Variants in RANBP2 observed in about 807,000 individuals in gnomAD.
RANBP2 encodes RAN binding protein 2.
A neutral mutation model predicts 303.6 loss-of-function variants in RANBP2; 57 were observed. That is an observed-to-expected ratio of 0.19 (90% confidence interval 0.15 to 0.23). The LOEUF (loss-of-function observed/expected upper bound fraction) is 0.23, where lower values mean the gene tolerates loss of function less well. Among genes scored for constraint, RANBP2 ranks in the 10% least tolerant of loss-of-function variants. The pLI is 1.00. For synonymous variants in RANBP2, 1,167 were observed against 1,301.5 expected, an observed-to-expected ratio of 0.90 and a Z score of 2.23; for missense variants, 3,138 against 3,780.8, an observed-to-expected ratio of 0.83 and a Z score of 4.46.
Position 108,740,471 on chromosome 2 carries a change from G to C in RANBP2, c.783-18G>C. The stretch of plus-strand genomic sequence containing the variant: ...TGCAGTAAGTGTGTATTATCTGTTT[G>C]ATATTTTCATATTACAGTTTTGATA... On this transcript the variant is annotated intron_variant, in intron 6 of 28. Coordinates refer to ENST00000283195, the MANE Select transcript of RANBP2 (RefSeq NM_006267.5). 1.3e-6 allele frequency: 2 copies of C among 1,597,492 alleles called. No homozygotes were observed. The highest frequency in any genetic ancestry group is 1.7e-6 in the Non-Finnish European group (2 of 1,179,740).
the RANBP2 span, among the ~76,000 whole-genome samples, chr2:109,599,779 C>T: frequency 6.6e-6 from 1 of 152,150 alleles, no homozygotes; most frequent in Non-Finnish European, 1.5e-5. Context: ...TGCACCATAA[C>T]AATGACAGTT....
At chr2:109,316,014 G>A in the RANBP2 span, among the ~76,000 whole-genome samples, 2 of 152,170 alleles carry the variant, frequency 1.3e-5, no homozygotes, top group Admixed American at 1.3e-4. Context: ...TGCATCAGGG[G>A]CTTTTTTCAC....
At chr2:109,265,865 T>C in the RANBP2 span, among the ~76,000 whole-genome samples, 2 of 152,204 alleles carry the variant, frequency 1.3e-5, no homozygotes, top group South Asian at 2.1e-4. Flanking sequence ...ACCACTGAGC[T>C]GGGGCATTGA....
At chr2:108,941,908 T>TA in the RANBP2 span, among the ~76,000 whole-genome samples, 4,484 of 152,258 alleles carry the variant, frequency 0.029, 135 homozygotes, top group African/African-American at 0.077. Flanking sequence ...GGTGGGAGCT[T>TA]ATCAGGTCAC....
At chr2:109,559,694 C>A in the RANBP2 span, among the ~76,000 whole-genome samples, 2 of 152,192 alleles carry the variant, frequency 1.3e-5, no homozygotes, top group Non-Finnish European at 2.9e-5. Flanking sequence ...ATCAGGTTCA[C>A]ACTCACTCCT....
At chr2:109,283,482 C>T in the RANBP2 span, among the ~76,000 whole-genome samples, 1 of 152,180 alleles carries the variant, frequency 6.6e-6, no homozygotes, top group African/African-American at 2.4e-5. Context: ...ACCACAGAGA[C>T]CCCTGGTGTT....
chr2:108,749,117 A>G lies in RANBP2; in HGVS notation c.1261A>G (p.Arg421Gly), dbSNP rs1675637575. Residue 421 changes from arginine to glycine, a missense_variant, in exon 9 of 29, where the codon AGA (arginine) becomes GGA (glycine). Arg to Gly is a moderately radical substitution (Grantham distance 125). Around this residue, in one of 20 missense-constraint regions of RANBP2, gnomAD observed 95 missense variants for 86.4 expected, o/e 1.10. Coordinates refer to ENST00000283195, the MANE Select transcript of RANBP2 (RefSeq NM_006267.5). ...AGAACCAGAGCTTGAAGATTTGACT[A>G]GATACGATGTTGGTAAGTTATATGT... Reference protein sequence around the residue: ...VREPELEDLTRYDVGAIRAHN... With the variant: ...VREPELEDLTGYDVGAIRAHN... The G allele has an allele frequency of 6.2e-7, 1 of 1,612,002 alleles. No homozygotes were observed. Among genetic ancestry groups the G allele is most frequent in the Non-Finnish European group, 8.5e-7 (1 of 1,179,858 alleles).
the RANBP2 span, among the ~76,000 whole-genome samples, chr2:109,397,796 G>A: frequency 1.3e-5 from 2 of 152,184 alleles, no homozygotes; most frequent in South Asian, 2.1e-4. Flanking sequence ...CGGCCAGGAG[G>A]GTTTATTCCC....
chr2:109,632,112 G>A, the RANBP2 span, among the ~76,000 whole-genome samples: 1 of 152,232 alleles, frequency 6.6e-6, no homozygotes, highest in African/African-American at 2.4e-5. Flanking sequence ...AGGCTTCCAG[G>A]GCCTCCTGGT....
the RANBP2 span, chr2:108,798,402 C>T: frequency 3.1e-6 from 5 of 1,596,720 alleles, no homozygotes; most frequent in Non-Finnish European, 3.4e-6. Flanking sequence ...TTTTCAAGAG[C>T]ATTAAAGTCT....
the RANBP2 span, chr2:109,449,581 G>A: frequency 6.8e-7 from 1 of 1,461,468 alleles, no homozygotes; most frequent in East Asian, 2.5e-5. Context: ...TTGTGCAATT[G>A]AAGCTAGAAT....
the RANBP2 span, among the ~76,000 whole-genome samples, chr2:108,987,250 A>C: frequency 6.6e-6 from 1 of 152,254 alleles, no homozygotes; most frequent in Non-Finnish European, 1.5e-5. Flanking sequence ...TTGGACCCAG[A>C]AAGGAGCGTC....
At chr2:109,630,808 G>A in the RANBP2 span, among the ~76,000 whole-genome samples, 2 of 152,194 alleles carry the variant, frequency 1.3e-5, no homozygotes, top group African/African-American at 4.8e-5. Flanking sequence ...GCTCATGCCT[G>A]TAATCCCATC....
the RANBP2 span, among the ~76,000 whole-genome samples, chr2:109,311,722 T>C: frequency 1.3e-5 from 2 of 152,230 alleles, no homozygotes; most frequent in African/African-American, 2.4e-5. Context: ...GTTTTGTTTT[T>C]CCTTGTCTGA....
the RANBP2 span, among the ~76,000 whole-genome samples, chr2:109,249,716 C>T: frequency 6.6e-6 from 1 of 151,360 alleles, no homozygotes; most frequent in East Asian, 1.9e-4. Context: ...GGTGCGATCT[C>T]AGCTCACTGC....
chr2:109,302,616 A>G, the RANBP2 span, among the ~76,000 whole-genome samples: 1 of 152,194 alleles, frequency 6.6e-6, no homozygotes, highest in Admixed American at 6.5e-5. Context: ...ACTGCTGCGT[A>G]GGGGATTAGC....
chr2:108,840,459 G>A, the RANBP2 span, among the ~76,000 whole-genome samples: 1 of 152,128 alleles, frequency 6.6e-6, no homozygotes, highest in South Asian at 2.1e-4. Flanking sequence ...ATGTGGATGA[G>A]ATTTCTTTTG....
chr2:109,317,831 C>T, the RANBP2 span, among the ~76,000 whole-genome samples: 3 of 152,074 alleles, frequency 2.0e-5, no homozygotes, highest in Non-Finnish European at 2.9e-5. Context: ...CTAGCGCATC[C>T]GTCTTGGGTC....
At chr2:108,957,015 C>G in the RANBP2 span, among the ~76,000 whole-genome samples, 1 of 152,236 alleles carries the variant, frequency 6.6e-6, no homozygotes. Context: ...GTGTCAAACT[C>G]CCGACCTCAG....
Sources: gnomAD v4.1 joint callset for allele counts (sites outside exome capture counted in the v4.1 genomes callset) on GRCh38, gnomAD v4.1.1 for gene constraint, gnomAD v4.1.1 regional missense constraint, MANE v1.5 for transcripts, NCBI Gene and HGNC (gene_info 2026-07-23, HGNC 2026-07-21) for gene names.